The following TFDP2 variants were observed in gnomAD, a reference collection of about 807,000 sequenced individuals.
The protein encoded by TFDP2 is transcription factor Dp-2.
TFDP2 carries 17 observed loss-of-function variants against 59.3 expected under a neutral mutation model. The ratio of observed to expected loss-of-function variants is 0.29; its 90% CI spans 0.20 to 0.43. The LOEUF (loss-of-function observed/expected upper bound fraction) is 0.43. Among genes scored for constraint, TFDP2 ranks in the 20% least tolerant of loss-of-function variants. TFDP2 has a pLI of 1.00. For missense variants in TFDP2, 391 were observed against 528.8 expected (o/e 0.74, Z 2.56); for synonymous variants, 180 against 194.7 (o/e 0.92, Z 0.63).
chr3:141,970,183 C>T, intron 8 of TFDP2, 42 bp from the exon 9 acceptor site: 1 of 1,577,674 alleles, frequency 6.3e-7, no homozygotes, highest in South Asian at 1.1e-5. Context: ...CATAGGTAGA[C>T]TATAAAATAT....
At chr3:141,999,649 T>C (rs997849218) in intron 4 of TFDP2, among the ~76,000 whole-genome samples, 3 of 152,206 alleles carry the variant, frequency 2.0e-5, no homozygotes, top group African/African-American at 4.8e-5. Flanking sequence ...CCATTAAGAT[T>C]TGGCTTCCAA....
At chr3:142,149,062 T>C (rs2063287828) in intron 1 of TFDP2, 121 bp downstream of exon 1, 5 of 393,232 alleles carry the variant, frequency 1.3e-5, no homozygotes, top group Non-Finnish European at 9.0e-6. Flanking sequence ...TCTAAACAGA[T>C]GGGACTCGTG....
intron 3 of TFDP2, among the ~76,000 whole-genome samples, chr3:142,051,595 C>G (rs140352410): frequency 4.7e-4 from 71 of 151,688 alleles, no homozygotes; most frequent in African/African-American, 1.6e-3. Context: ...TTGAGAACCA[C>G]TGAGCTACCA....
intron 11 of TFDP2, among the ~76,000 whole-genome samples, chr3:141,956,620 A>T (rs1203781179): frequency 6.6e-6 from 1 of 152,120 alleles, no homozygotes; most frequent in African/African-American, 2.4e-5. Context: ...AACACATGAA[A>T]AGATGCTCAA....
intron 6 of TFDP2, among the ~76,000 whole-genome samples, chr3:141,986,725 A>G (rs1576586057): frequency 6.6e-6 from 1 of 152,210 alleles, no homozygotes; most frequent in East Asian, 1.9e-4. Context: ...AGACACTGCT[A>G]ACTCCCAAAA....
Position 141,944,827 on chromosome 3 carries a change from T to C in TFDP2, c.*7686A>G, listed in dbSNP as rs924675793. On this transcript the variant is annotated 3_prime_UTR_variant, in exon 13 of 13. Coordinates refer to ENST00000489671, the MANE Select transcript of TFDP2 (RefSeq NM_001178139.2). ...AAATAGCTCTTCTATAAAATTTCCA[T>C]ATAAAAATAATGGCATTTATTTACA... is the stretch of plus-strand genomic sequence containing the variant. 1 of 152,188 alleles carries C rather than the reference T, an allele frequency of 6.6e-6. No homozygotes were observed. The highest frequency in any genetic ancestry group is 1.5e-5 in the Non-Finnish European group (1 of 68,032). The allele number at this position is 152,188 out of a possible 1,614,324, so 9.4% of individuals were successfully genotyped here.
At chr3:141,979,128 C>T (rs1941142850) in intron 6 of TFDP2, among the ~76,000 whole-genome samples, 1 of 152,134 alleles carries the variant, frequency 6.6e-6, no homozygotes. Context: ...CAACAGTAGT[C>T]CAATAAGATT....
At chr3:141,980,135 C>G (rs1200376619) in intron 6 of TFDP2, among the ~76,000 whole-genome samples, 3 of 151,212 alleles carry the variant, frequency 2.0e-5, no homozygotes, top group African/African-American at 7.3e-5. Context: ...GAACTCCTGA[C>G]CTCAAGTGAT....
intron 2 of TFDP2, among the ~76,000 whole-genome samples, chr3:142,095,816 G>A (rs1178722809): frequency 6.6e-6 from 1 of 152,134 alleles, no homozygotes; most frequent in Non-Finnish European, 1.5e-5. Flanking sequence ...ACTTGTTGGT[G>A]TTCTACTTTA....
chr3:142,130,660 G>T lies in TFDP2; in HGVS notation c.-93+18523C>A, dbSNP rs144050840. On this transcript the variant is annotated intron_variant, in intron 1 of 12. Transcript: ENST00000489671. ...GGAATTATTGTTTAATTGGTACAGC[G>T]TTTCAGTTTTGCAAGATGCAAGTTC... 3.3e-5 allele frequency among the ~76,000 whole-genome samples: 5 copies of T among 152,126 alleles called. No homozygotes were observed. In the East Asian group the frequency reaches 7.7e-4, roughly 23 times the overall value.
At chr3:142,093,959 TGTCA>T in intron 2 of TFDP2, 1 of 513,206 alleles carries the variant, frequency 1.9e-6, no homozygotes, top group Non-Finnish European at 3.9e-6. Context: ...CATACGTTAC[TGTCA>T]GTATTATACT....
At chr3:142,002,854 GA>G (rs1300949892) in intron 4 of TFDP2, among the ~76,000 whole-genome samples, 1 of 152,100 alleles carries the variant, frequency 6.6e-6, no homozygotes, top group Non-Finnish European at 1.5e-5. Context: ...ATAAATGATA[GA>G]AATGTATTTC....
chr3:142,051,427 T>G (rs1200635022), intron 3 of TFDP2, among the ~76,000 whole-genome samples: 1 of 151,942 alleles, frequency 6.6e-6, no homozygotes, highest in African/African-American at 2.4e-5. Flanking sequence ...TAATCCCAGC[T>G]ACTCGGGAGG....
At chr3:141,977,692 A>C (rs913178312) in intron 7 of TFDP2, among the ~76,000 whole-genome samples, 2 of 151,980 alleles carry the variant, frequency 1.3e-5, no homozygotes, top group South Asian at 4.1e-4. Context: ...AACAATAAAA[A>C]ATTATTGGAT....
intron 3 of TFDP2, among the ~76,000 whole-genome samples, chr3:142,019,757 CCCT>C (rs1291986275): frequency 6.6e-6 from 1 of 151,728 alleles, no homozygotes; most frequent in Non-Finnish European, 1.5e-5. Flanking sequence ...AAGGTTTTCC[CCCT>C]GAGTTAGCCA....
At chr3:142,044,011 A>T (rs6440060) in intron 3 of TFDP2, 523,907 of 684,634 alleles carry the variant, frequency 0.77, 202,064 homozygotes, top group African/African-American at 0.93. Context: ...TTTTTCCGGC[A>T]TCAAGCCCAG....
intron 1 of TFDP2, among the ~76,000 whole-genome samples, chr3:142,115,473 T>C (rs1446420347): frequency 6.6e-6 from 1 of 152,090 alleles, no homozygotes; most frequent in Non-Finnish European, 1.5e-5. Flanking sequence ...CGCCCACGAC[T>C]GCACCTGGCT....
At chr3:142,043,488 C>T (rs1211238614) in intron 3 of TFDP2, 4 of 452,388 alleles carry the variant, frequency 8.8e-6, no homozygotes, top group Admixed American at 3.4e-5. Context: ...CTCAGCCTCC[C>T]AAGTAGCTGG....
intron 7 of TFDP2, among the ~76,000 whole-genome samples, chr3:141,974,838 G>A (rs1940352860): frequency 6.7e-6 from 1 of 149,310 alleles, no homozygotes; most frequent in South Asian, 2.1e-4. Flanking sequence ...CTAGGAACTT[G>A]TACCAAAATA....
Sources: gnomAD v4.1 joint callset for allele counts (sites outside exome capture counted in the v4.1 genomes callset) on GRCh38, gnomAD v4.1.1 for gene constraint, MANE v1.5 for transcripts, NCBI Gene and HGNC (gene_info 2026-07-23, HGNC 2026-07-21) for gene names.